Variants in CPQ observed in about 807,000 individuals in gnomAD.
CPQ encodes the protein Ser-Met dipeptidase.
Under a neutral mutation model 45.7 loss-of-function variants are expected in CPQ, and 37 were observed. That is an observed-to-expected ratio of 0.81 (90% confidence interval 0.62 to 1.07). The LOEUF (loss-of-function observed/expected upper bound fraction) is 1.07. Ranked by LOEUF, CPQ falls within the 50% of genes least tolerant of loss-of-function variation. The pLI is 0.00. For missense variants in CPQ, 537 were observed against 572.9 expected (o/e 0.94, Z 0.64); for synonymous variants, 186 against 205.8 (o/e 0.90, Z 0.82).
intron 1 of CPQ, among the ~76,000 whole-genome samples, chr8:96,664,464 T>C (rs1234118099): frequency 6.6e-6 from 1 of 152,074 alleles, no homozygotes; most frequent in East Asian, 1.9e-4. Context: ...AATGGAAAAG[T>C]TTCATAGCAG....
intron 2 of CPQ, among the ~76,000 whole-genome samples, chr8:96,797,547 G>A (rs1332405445): frequency 6.6e-6 from 1 of 152,162 alleles, no homozygotes; most frequent in Non-Finnish European, 1.5e-5. Context: ...AATCATGAAA[G>A]GAGGTATCTC....
Position 97,029,470 on chromosome 8 carries a change from C to T in CPQ, c.1029C>T (p.Ala343=), listed in dbSNP as rs113729124. Residue 343 remains alanine (A), a synonymous_variant, in exon 6 of 8, where the codon GCC becomes GCT. Transcript: ENST00000220763. ...WTAEEQGGVG[A]FQYYQLHKVN... Reference sequence around the variant, plus strand: ...CAGAAGAACAAGGTGGAGTTGGTGCCTTCCAGTATTATCAGTTACACAAGG... The same window carrying T: ...CAGAAGAACAAGGTGGAGTTGGTGCTTTCCAGTATTATCAGTTACACAAGG... The T allele has an allele frequency of 0.011, 17,631 of 1,607,624 alleles. 123 individuals are homozygous for T. The highest frequency in any genetic ancestry group is 0.018 in the Middle Eastern group (111 of 6,008).
chr8:97,140,864 G>A (rs1586560160), intron 7 of CPQ, among the ~76,000 whole-genome samples: 1 of 151,934 alleles, frequency 6.6e-6, no homozygotes, highest in African/African-American at 2.4e-5. Flanking sequence ...TAGACAAATA[G>A]ATCACTGAAA....
chr8:96,844,809 C>G (rs568053732), intron 3 of CPQ, among the ~76,000 whole-genome samples: 1 of 152,308 alleles, frequency 6.6e-6, no homozygotes, highest in East Asian at 1.9e-4. Flanking sequence ...TTCTGTTTAT[C>G]TCCCGATTTC....
intron 6 of CPQ, among the ~76,000 whole-genome samples, chr8:97,031,815 A>G (rs1809912085): frequency 6.6e-6 from 1 of 152,258 alleles, no homozygotes; most frequent in African/African-American, 2.4e-5. Context: ...GATAGAAAGA[A>G]GAAATTCCAG....
intron 4 of CPQ, among the ~76,000 whole-genome samples, chr8:96,899,601 G>A (rs1812488918): frequency 6.6e-6 from 1 of 152,066 alleles, no homozygotes; most frequent in Non-Finnish European, 1.5e-5. Flanking sequence ...GGGAGCAAGA[G>A]AGAGAGAGTG....
At chr8:96,798,435 G>A (rs923767137) in intron 2 of CPQ, among the ~76,000 whole-genome samples, 2 of 152,090 alleles carry the variant, frequency 1.3e-5, no homozygotes, top group Non-Finnish European at 2.9e-5. Context: ...ACCATGCCCA[G>A]CCCCTAGACC....
intron 1 of CPQ, among the ~76,000 whole-genome samples, chr8:96,650,803 A>G (rs1054838377): frequency 2.0e-5 from 3 of 152,240 alleles, no homozygotes; most frequent in Non-Finnish European, 4.4e-5. Flanking sequence ...GTTCATGAAG[A>G]GTTGTGCATA....
chr8:97,109,431 G>T (rs1811463949), intron 7 of CPQ, among the ~76,000 whole-genome samples: 1 of 152,088 alleles, frequency 6.6e-6, no homozygotes, highest in East Asian at 1.9e-4. Context: ...AGACATTGGA[G>T]GATGTCTGTC....
chr8:96,974,713 C>A (rs1298442789), intron 5 of CPQ, among the ~76,000 whole-genome samples: 1 of 151,970 alleles, frequency 6.6e-6, no homozygotes. Flanking sequence ...CAAGAGGAAC[C>A]CTTAAAACCA....
At chr8:96,652,641 T>C (rs933923815) in intron 1 of CPQ, among the ~76,000 whole-genome samples, 6 of 152,178 alleles carry the variant, frequency 3.9e-5, no homozygotes, top group Non-Finnish European at 7.3e-5. Flanking sequence ...GAATTTTTTT[T>C]TGTTTGTTTG....
rs2565148 is a variant in CPQ, at chr8:96,769,638, T to C, written c.-34-15226T>C. On this transcript the variant is annotated intron_variant, in intron 1 of 7. Coordinates refer to ENST00000220763, the MANE Select transcript of CPQ (RefSeq NM_016134.4). ...TTCTGTTTACTGGATTTTTTTTTTT[T>C]TTTTTTTTTTTGAGACAGGGTCTGG... Among the ~76,000 whole-genome samples, 691 of 150,460 alleles carry C rather than the reference T, an allele frequency of 4.6e-3. 5 individuals are homozygous for C. The highest frequency in any genetic ancestry group is 0.016 in the African/African-American group (668 of 40,864).
chr8:96,946,577 A>C (rs2130330534), intron 4 of CPQ, among the ~76,000 whole-genome samples: 1 of 144,720 alleles, frequency 6.9e-6, no homozygotes, highest in African/African-American at 2.5e-5. Context: ...TCCCAATGCT[A>C]TCCCTCCCCC....
At chr8:96,904,312 T>A (rs543994234) in intron 4 of CPQ, among the ~76,000 whole-genome samples, 1 of 152,330 alleles carries the variant, frequency 6.6e-6, no homozygotes, top group African/African-American at 2.4e-5. Flanking sequence ...GTGCAGGTGA[T>A]CCACAGATAG....
intron 7 of CPQ, among the ~76,000 whole-genome samples, chr8:97,105,937 A>G (rs1811396596): frequency 1.3e-5 from 2 of 152,178 alleles, no homozygotes; most frequent in South Asian, 4.1e-4. Context: ...ATATTCTGTG[A>G]CCTCAACCTC....
intron 1 of CPQ, among the ~76,000 whole-genome samples, chr8:96,727,639 G>A (rs1380151548): frequency 6.6e-6 from 1 of 152,126 alleles, no homozygotes; most frequent in Admixed American, 6.5e-5. Flanking sequence ...CCAGATTCCG[G>A]ATTTTTTTTC....
At chr8:96,919,227 A>G (rs941192685) in intron 4 of CPQ, among the ~76,000 whole-genome samples, 3 of 152,096 alleles carry the variant, frequency 2.0e-5, no homozygotes, top group African/African-American at 7.2e-5. Context: ...TACATTTTGT[A>G]TGACCACACT....
intron 5 of CPQ, among the ~76,000 whole-genome samples, chr8:97,029,023 T>A (rs1006539326): frequency 6.6e-6 from 1 of 152,190 alleles, no homozygotes; most frequent in African/African-American, 2.4e-5. Context: ...ACAATTAAGA[T>A]CATTGAAAGA....
At chr8:96,664,682 A>G (rs1808896935) in intron 1 of CPQ, among the ~76,000 whole-genome samples, 1 of 152,240 alleles carries the variant, frequency 6.6e-6, no homozygotes, top group Admixed American at 6.5e-5. Flanking sequence ...GAGTAAGGGT[A>G]AAGGCGTCCT....
Sources: gnomAD v4.1 joint callset for allele counts (sites outside exome capture counted in the v4.1 genomes callset) on GRCh38, gnomAD v4.1.1 for gene constraint, MANE v1.5 for transcripts, NCBI Gene and HGNC (gene_info 2026-07-23, HGNC 2026-07-21) for gene names.